Variants in PEX14 observed in about 807,000 individuals in gnomAD.
PEX14 encodes the protein peroxisomal biogenesis factor 14.
In PEX14, 15 loss-of-function variants were observed where a neutral mutation model predicts 49.5. The observed-to-expected ratio is 0.30, with a 90% CI of 0.20 to 0.47. The LOEUF is 0.47. PEX14 is among the 20% of genes least tolerant of loss of function. PEX14 has a pLI of 1.00. For synonymous variants in PEX14, 210 were observed against 212.7 expected (o/e 0.99, Z 0.11); for missense variants, 398 against 494.8 (o/e 0.80, Z 1.86).
At position 10,582,779 on chromosome 1, in the gene PEX14, G is replaced by A. The variant is rs2124572567; in HGVS notation, c.170-16459G>A. Among the ~76,000 whole-genome samples, 2 of 152,274 alleles carry A rather than the reference G, an allele frequency of 1.3e-5. 1 individual carries two copies. The highest frequency in any genetic ancestry group is 3.9e-4 in the East Asian group (2 of 5,170). On this transcript the variant is annotated intron_variant, in intron 3 of 8. Coordinates refer to ENST00000356607, the MANE Select transcript of PEX14 (RefSeq NM_004565.3). ...GATGGAGTCTCACTCTGTAGCCCAGGCTGGAGTGCAATGGCACGATCTCAG... is the reference window on the plus strand; with the variant it reads ...GATGGAGTCTCACTCTGTAGCCCAGACTGGAGTGCAATGGCACGATCTCAG...
chr1:10,503,937 T>C (rs565173800), intron 2 of PEX14, among the ~76,000 whole-genome samples: 2 of 152,278 alleles, frequency 1.3e-5, no homozygotes, highest in South Asian at 4.1e-4. Context: ...TTTTGCCATG[T>C]TGGCCAGGCT....
In PEX14 at chr1:10,597,904, C is replaced by T. The variant is rs1640872821; in HGVS notation, c.170-1334C>T. Among the ~76,000 whole-genome samples the T allele has an allele frequency of 6.6e-6, 1 of 152,236 alleles. No individual in the cohort carries two copies. The highest frequency in any genetic ancestry group is 1.5e-5 in the Non-Finnish European group (1 of 68,046). On this transcript the variant is annotated intron_variant, in intron 3 of 8. Transcript: ENST00000356607. The surrounding 1 kb of genome is among the most constrained non-coding windows in gnomAD (Gnocchi z 5.7). Reference sequence around the variant, plus strand: ...AAGTTTGAGGGGTGGCTGCAGTCAACTCATATGCCAGTATGGTGCAGGGCG... The same window carrying T: ...AAGTTTGAGGGGTGGCTGCAGTCAATTCATATGCCAGTATGGTGCAGGGCG...
chr1:10,501,197 C>T (rs968158445), intron 2 of PEX14, among the ~76,000 whole-genome samples: 1 of 152,220 alleles, frequency 6.6e-6, no homozygotes, highest in African/African-American at 2.4e-5. Flanking sequence ...AACTAGTTGT[C>T]ACTTCCACCT....
chr1:10,513,075 AT>A (rs1395520211), intron 2 of PEX14, among the ~76,000 whole-genome samples: 2 of 151,912 alleles, frequency 1.3e-5, no homozygotes, highest in African/African-American at 2.4e-5. Context: ...ATTAGAATAC[AT>A]TTTTTTTCCT....
At chr1:10,596,450 C>T (rs1196526295) in intron 3 of PEX14, among the ~76,000 whole-genome samples, 1 of 152,164 alleles carries the variant, frequency 6.6e-6, no homozygotes, top group Non-Finnish European at 1.5e-5. Flanking sequence ...TTCACTGGCT[C>T]CTTCCTGTAG....
At chr1:10,604,639 G>A (rs1641078056) in intron 4 of PEX14, among the ~76,000 whole-genome samples, 1 of 152,076 alleles carries the variant, frequency 6.6e-6, no homozygotes, top group African/African-American at 2.4e-5. Context: ...GAAACTCTGA[G>A]TTGTTCAGAG....
chr1:10,567,356 G>T (rs1303741340), intron 3 of PEX14, among the ~76,000 whole-genome samples: 1 of 152,002 alleles, frequency 6.6e-6, no homozygotes, highest in African/African-American at 2.4e-5. Flanking sequence ...GTTTCTTTGT[G>T]TCCAATGTCA....
At chr1:10,521,693 C>T (rs1373054927) in intron 2 of PEX14, among the ~76,000 whole-genome samples, 1 of 152,154 alleles carries the variant, frequency 6.6e-6, no homozygotes, top group Non-Finnish European at 1.5e-5. Flanking sequence ...TTTTGATTAC[C>T]ACCTTATGGG....
rs1380644495 is a variant in PEX14, at chr1:10,495,681, C to T, written c.84+360C>T. On this transcript the variant is annotated intron_variant, in intron 2 of 8. Transcript: ENST00000356607. This position sits in a 1 kb window ranked among gnomAD's most constrained non-coding sequence, Gnocchi z 4.2. The stretch of plus-strand genomic sequence containing the variant: ...TTTGAAGTAGCCGCCCTCTGCTCTG[C>T]CCCTCAGGGTGCGAGCGCCTCAGTG... 6.6e-6 allele frequency among the ~76,000 whole-genome samples: 1 copy of T among 152,160 alleles called. No individual in the cohort carries two copies. The highest frequency in any genetic ancestry group is 2.4e-5 in the African/African-American group (1 of 41,420).
Position 10,514,990 on chromosome 1 carries a change from G to A in PEX14, c.84+19669G>A, listed in dbSNP as rs978562603. ...GGCAAATGCTTGCCACTCCCCTGCC[G>A]CCTGCCCCTGTGTAGGTGGGAAGAG... On this transcript the variant is annotated intron_variant, in intron 2 of 8. Transcript: ENST00000356607. The surrounding 1 kb of genome is among the most constrained non-coding windows in gnomAD (Gnocchi z 4.4). Among the ~76,000 whole-genome samples the A allele has an allele frequency of 4.6e-5, 7 of 152,136 alleles. No individual in the cohort carries two copies. The highest frequency in any genetic ancestry group is 5.9e-5 in the Non-Finnish European group (4 of 68,024).
At chr1:10,520,150 T>TTTTTTTTTTTTTTTTG (rs1638233802) in intron 2 of PEX14, among the ~76,000 whole-genome samples, 2 of 73,160 alleles carry the variant, frequency 2.7e-5, no homozygotes, top group East Asian at 4.2e-4. Flanking sequence ...TTCTTCTTCT[T>TTTTTTTTTTTTTTTTG]TTTTTTTTTT....
intron 3 of PEX14, among the ~76,000 whole-genome samples, chr1:10,563,691 G>A (rs913866109): frequency 6.6e-6 from 1 of 152,114 alleles, no homozygotes; most frequent in African/African-American, 2.4e-5. Flanking sequence ...TTGGGAGGCC[G>A]AGGCGGGTGT....
chr1:10,551,459 G>T (rs1373433968), intron 3 of PEX14, among the ~76,000 whole-genome samples: 1 of 152,176 alleles, frequency 6.6e-6, no homozygotes, highest in Non-Finnish European at 1.5e-5. Flanking sequence ...CTGGAGGCTG[G>T]TGCATTAGGC....
chr1:10,599,379 C>T lies in PEX14; in HGVS notation c.298+13C>T, dbSNP rs767521695. On this transcript the variant is annotated intron_variant, in intron 4 of 8. Transcript: ENST00000356607. ...TCTCAGCCATACAGTAAGTCACCCGCTCAAACTCCTGCTTAACCTTGATTG... is the reference window on the plus strand; with the variant it reads ...TCTCAGCCATACAGTAAGTCACCCGTTCAAACTCCTGCTTAACCTTGATTG... 1 of 1,614,090 alleles carries T rather than the reference C, an allele frequency of 6.2e-7. No individual in the cohort carries two copies. Among genetic ancestry groups the T allele is most frequent in the South Asian group, 1.1e-5 (1 of 91,072 alleles).
intron 2 of PEX14, among the ~76,000 whole-genome samples, chr1:10,496,871 C>T (rs1641575627): frequency 6.6e-6 from 1 of 152,064 alleles, no homozygotes; most frequent in African/African-American, 2.4e-5. Flanking sequence ...GCCAACTCCA[C>T]AATTACCTTA....
intron 4 of PEX14, among the ~76,000 whole-genome samples, chr1:10,607,105 T>C (rs979958732): frequency 9.9e-5 from 15 of 152,202 alleles, no homozygotes; most frequent in African/African-American, 3.4e-4. Flanking sequence ...TAGAGTTTTT[T>C]TTCTTTTTTT....
chr1:10,531,386 C>T (rs1319085028), intron 2 of PEX14, among the ~76,000 whole-genome samples: 2 of 152,206 alleles, frequency 1.3e-5, no homozygotes, highest in Non-Finnish European at 2.9e-5. Context: ...AGGGTTCTCT[C>T]ATTCTTGGCA....
intron 2 of PEX14, among the ~76,000 whole-genome samples, chr1:10,507,646 C>G (rs1158721240): frequency 6.6e-6 from 1 of 152,182 alleles, no homozygotes; most frequent in Non-Finnish European, 1.5e-5. Context: ...TGTTCTGTCT[C>G]TTGCTGGCGG....
chr1:10,519,434 C>T lies in PEX14; in HGVS notation c.85-16779C>T, dbSNP rs184274173. ...AGGTGCCTGGCTTGAAAGCACCTGG[C>T]GAAAAGACTCGGACTTTCAGGGTTG... On this transcript the variant is annotated intron_variant, in intron 2 of 8. Coordinates refer to ENST00000356607, the MANE Select transcript of PEX14 (RefSeq NM_004565.3). 9.2e-5 allele frequency among the ~76,000 whole-genome samples: 14 copies of T among 152,128 alleles called. No homozygotes were observed. In the South Asian group the frequency reaches 1.5e-3, roughly 16 times the overall value.
Sources: allele counts gnomAD v4.1 joint callset (sites outside exome capture counted in the v4.1 genomes callset), GRCh38; gene constraint gnomAD v4.1.1; non-coding constraint Gnocchi (gnomAD v3.1); transcripts MANE v1.5; gene names NCBI Gene and HGNC (gene_info 2026-07-23, HGNC 2026-07-21).